The following DIP2C variants were observed in gnomAD, a reference collection of about 807,000 sequenced individuals.
DIP2C encodes disco-interacting protein 2 homolog C.
In DIP2C, 33 loss-of-function variants were observed where a neutral mutation model predicts 192.4. The ratio of observed to expected loss-of-function variants is 0.17; its 90% CI spans 0.13 to 0.23. The LOEUF (loss-of-function observed/expected upper bound fraction) is 0.23. Among genes scored for constraint, DIP2C ranks in the 10% least tolerant of loss-of-function variants. The pLI is 1.00. For synonymous variants in DIP2C, 979 were observed against 864.1 expected (o/e 1.13, Z -2.33); for missense variants, 1,537 against 2,110.1 (o/e 0.73, Z 5.32).
intron 1 of DIP2C, among the ~76,000 whole-genome samples, chr10:534,217 A>G (rs1319147738): frequency 6.6e-6 from 1 of 152,114 alleles, no homozygotes; most frequent in Non-Finnish European, 1.5e-5. Flanking sequence ...ACTCCCACCC[A>G]TGCTGGAGAA....
chr10:428,138 G>C (rs1270192432), intron 4 of DIP2C, among the ~76,000 whole-genome samples: 1 of 152,078 alleles, frequency 6.6e-6, no homozygotes, highest in Non-Finnish European at 1.5e-5. Context: ...GTGTAGAGAA[G>C]CGTGGACATT....
intron 1 of DIP2C, among the ~76,000 whole-genome samples, chr10:599,430 T>A (rs570142085): frequency 6.6e-6 from 1 of 152,314 alleles, no homozygotes; most frequent in East Asian, 1.9e-4. Context: ...AACATCAAGA[T>A]ACAACTGAAC....
chr10:591,533 T>C (rs1424993325), intron 1 of DIP2C, among the ~76,000 whole-genome samples: 4 of 152,200 alleles, frequency 2.6e-5, no homozygotes. Context: ...CCATTTGAAG[T>C]ACAAATAAAA....
At chr10:380,345 C>A (rs1962248889) in intron 17 of DIP2C, among the ~76,000 whole-genome samples, 1 of 151,582 alleles carries the variant, frequency 6.6e-6, no homozygotes, top group South Asian at 2.1e-4. Flanking sequence ...AAGAGGCTGT[C>A]CCTGGAAGAT....
chr10:386,858 G>A (rs534327353), intron 14 of DIP2C, among the ~76,000 whole-genome samples: 1 of 152,138 alleles, frequency 6.6e-6, no homozygotes, highest in Admixed American at 6.5e-5. Flanking sequence ...TGGGGGGAGC[G>A]TCTAAGCAGT....
intron 1 of DIP2C, among the ~76,000 whole-genome samples, chr10:547,012 A>C (rs1848319111): frequency 6.6e-6 from 1 of 152,236 alleles, no homozygotes; most frequent in Non-Finnish European, 1.5e-5. Context: ...CTTTAGATAA[A>C]GAAGGCCATT....
chr10:492,422 C>T (rs1285786396), intron 1 of DIP2C, among the ~76,000 whole-genome samples: 1 of 152,238 alleles, frequency 6.6e-6, no homozygotes, highest in African/African-American at 2.4e-5. Flanking sequence ...TGCCACATTT[C>T]CAGTGCAAGC....
intron 33 of DIP2C, 120 bp from the exon 34 acceptor site, chr10:286,467 A>C: frequency 1.1e-6 from 1 of 882,472 alleles, no homozygotes; most frequent in Admixed American, 2.0e-5. Flanking sequence ...AAAGCAATTA[A>C]ATCAAAACTA....
intron 36 of DIP2C, among the ~76,000 whole-genome samples, chr10:280,105 G>T (rs1254814732): frequency 1.3e-5 from 2 of 152,090 alleles, no homozygotes; most frequent in Non-Finnish European, 2.9e-5. Flanking sequence ...CAAGGAAATC[G>T]ACAATCTGAG....
chr10:518,065 C>A (rs1011026404), intron 1 of DIP2C, among the ~76,000 whole-genome samples: 1 of 152,226 alleles, frequency 6.6e-6, no homozygotes, highest in Non-Finnish European at 1.5e-5. Flanking sequence ...GGAAAGCACA[C>A]CCCGATATCA....
chr10:364,179 G>T (rs924328775), intron 20 of DIP2C, among the ~76,000 whole-genome samples, 195 bp downstream of exon 20: 1 of 152,178 alleles, frequency 6.6e-6, no homozygotes, highest in African/African-American at 2.4e-5. Context: ...GGAGCTCAGG[G>T]AATTTCTATA....
chr10:661,041 C>T (rs376788567), intron 1 of DIP2C, among the ~76,000 whole-genome samples: 1 of 152,204 alleles, frequency 6.6e-6, no homozygotes, highest in African/African-American at 2.4e-5. Flanking sequence ...AAAGCTGGTG[C>T]TGGTTGAGGC....
rs142420927 is a variant in DIP2C, at chr10:684,284, G to A, written c.85+5210C>T. Among the ~76,000 whole-genome samples the A allele has an allele frequency of 3.2e-3, 491 of 152,316 alleles. 1 individual carries two copies. Among genetic ancestry groups the A allele is most frequent in the Middle Eastern group, 0.017 (5 of 294 alleles). Reference sequence around the variant, plus strand: ...AGTAATGATGTTTTCAATGCATCATGCAGGTAGCCATCTCATTCAGGATAC... The same window carrying A: ...AGTAATGATGTTTTCAATGCATCATACAGGTAGCCATCTCATTCAGGATAC... On this transcript the variant is annotated intron_variant, in intron 1 of 36. Transcript: ENST00000280886.
At chr10:383,949 C>G in intron 16 of DIP2C, 78 bp downstream of exon 16, 2 of 1,403,320 alleles carry the variant, frequency 1.4e-6, no homozygotes, top group Non-Finnish European at 1.8e-6. Context: ...GACTTCACAG[C>G]CTGCCTGCCT....
chr10:365,309 G>C (rs1471676345), intron 19 of DIP2C, among the ~76,000 whole-genome samples: 1 of 152,200 alleles, frequency 6.6e-6, no homozygotes, highest in African/African-American at 2.4e-5. Flanking sequence ...AAGATGGGAG[G>C]ATTGCTTGAG....
chr10:542,696 T>TC (rs1491234944), intron 1 of DIP2C, among the ~76,000 whole-genome samples: 2 of 146,164 alleles, frequency 1.4e-5, no homozygotes, highest in Non-Finnish European at 3.0e-5. Flanking sequence ...TCTGACCCTG[T>TC]CCCTCTCTAT....
At position 379,189 on chromosome 10, in the gene DIP2C, C is replaced by A. The variant is rs1280935435; in HGVS notation, c.1991+3458G>T. 2.3e-4 allele frequency among the ~76,000 whole-genome samples: 4 copies of A among 17,114 alleles called. 1 individual carries two copies. The highest frequency in any genetic ancestry group is 8.7e-4 in the Non-Finnish European group (3 of 3,430). The allele number at this position is 17,114 out of a possible 152,430, so 11.2% of individuals were successfully genotyped here. ...GCTGCTGGCTCCCGAGTGCCACGCC[C>A]CCCCCCCCCCCCCCCACAACCCCTG... On this transcript the variant is annotated intron_variant, in intron 17 of 36. Transcript: ENST00000280886.
rs1564776343 is a variant in DIP2C at position 486,371 on chromosome 10, C to T, written c.157+88G>A. 7 of 1,294,598 alleles carry T rather than the reference C, an allele frequency of 5.4e-6. No homozygotes were observed. The East Asian group carries it at 1.5e-4, about 28-fold the overall frequency. The allele number at this position is 1,294,598 out of a possible 1,614,324, so 80.2% of individuals were successfully genotyped here. On this transcript the variant is annotated intron_variant, in intron 2 of 36. Transcript: ENST00000280886. ...ACGCCTCCTCCTGCCGACTGGGAAG[C>T]AAGGGAGCGTCTGCCTCCAGATGTT...
chr10:583,641 C>A (rs1412178962), intron 1 of DIP2C, among the ~76,000 whole-genome samples: 1 of 152,236 alleles, frequency 6.6e-6, no homozygotes, highest in African/African-American at 2.4e-5. Flanking sequence ...TGTGCTGAAA[C>A]CGATCTGTGC....
Sources: gnomAD v4.1 joint callset for allele counts (sites outside exome capture counted in the v4.1 genomes callset) on GRCh38, gnomAD v4.1.1 for gene constraint, MANE v1.5 for transcripts, NCBI Gene and HGNC (gene_info 2026-07-23, HGNC 2026-07-21) for gene names.